Variants in MRPL44 observed in about 807,000 individuals in gnomAD.
MRPL44 encodes the protein large ribosomal subunit protein mL44.
Under a neutral mutation model 25.9 loss-of-function variants are expected in MRPL44, and 21 were observed. That is an observed-to-expected ratio of 0.81 (90% CI 0.58 to 1.17). The LOEUF (loss-of-function observed/expected upper bound fraction) is 1.17, where lower values mean the gene tolerates loss of function less well. MRPL44 is among the 50% of genes most tolerant of loss of function. The pLI is 0.00. For missense variants in MRPL44, 410 were observed against 398.9 expected, an observed-to-expected ratio of 1.03 and a Z score of -0.24; for synonymous variants, 169 against 151.0, an observed-to-expected ratio of 1.12 and a Z score of -0.87.
chr2:223,952,132 T>C, the MRPL44 span, among the ~76,000 whole-genome samples: 1 of 152,244 alleles, frequency 6.6e-6, no homozygotes, highest in Non-Finnish European at 1.5e-5. Context: ...GGTTGACTTC[T>C]GCAAACTACA....
At chr2:223,966,252 A>T (rs1258223031) in intron 3 of MRPL44, among the ~76,000 whole-genome samples, 1 of 141,054 alleles carries the variant, frequency 7.1e-6, no homozygotes, top group Non-Finnish European at 1.6e-5. Context: ...AAAAAAAAAA[A>T]GTGTGAGCCA....
intron 2 of MRPL44, among the ~76,000 whole-genome samples, chr2:223,963,196 T>C (rs1336297889): frequency 6.6e-6 from 1 of 152,134 alleles, no homozygotes; most frequent in Non-Finnish European, 1.5e-5. Context: ...GTAATTCCAA[T>C]ACTTTGAGAA....
upstream of MRPL44, among the ~76,000 whole-genome samples, chr2:223,952,695 T>C (rs1212519692): frequency 6.6e-6 from 1 of 152,240 alleles, no homozygotes; most frequent in Non-Finnish European, 1.5e-5. Flanking sequence ...TGTAAAAGAC[T>C]GTCACCTGCT....
At chr2:223,959,509 T>A (rs1559183840) in intron 1 of MRPL44, 25 bp from the exon 2 acceptor site, 1 of 1,543,350 alleles carries the variant, frequency 6.5e-7, no homozygotes, top group Non-Finnish European at 8.8e-7. Context: ...CTCTTTACCA[T>A]CTCTTACTGT....
At chr2:223,953,841 A>T (rs184195975), upstream of MRPL44, among the ~76,000 whole-genome samples, 1 of 152,258 alleles carries the variant, frequency 6.6e-6, no homozygotes, top group Admixed American at 6.5e-5. Context: ...AAAGCAAAAC[A>T]AAAGTGTGAA....
upstream of MRPL44, among the ~76,000 whole-genome samples, chr2:223,953,054 G>T (rs1409244801): frequency 2.0e-5 from 3 of 151,690 alleles, no homozygotes; most frequent in Admixed American, 2.0e-4. Flanking sequence ...TTCAAAAATA[G>T]ATATAAACCA....
At chr2:223,957,854 C>T (rs1689596767) in intron 1 of MRPL44, among the ~76,000 whole-genome samples, 1 of 152,130 alleles carries the variant, frequency 6.6e-6, no homozygotes, top group Non-Finnish European at 1.5e-5. Context: ...GGGCTGTTCC[C>T]GACGTTTTGA....
the MRPL44 span, among the ~76,000 whole-genome samples, chr2:223,951,257 C>G: frequency 6.6e-6 from 1 of 152,160 alleles, no homozygotes. Context: ...TTAGCACAGC[C>G]TCTTGGAACT....
chr2:223,957,383 C>A, upstream of MRPL44: 1 of 1,532,220 alleles, frequency 6.5e-7, no homozygotes, highest in Non-Finnish European at 9.0e-7. Context: ...CTTCTCTTCG[C>A]GTTCCGCGTT....
rs765692067 is a variant in MRPL44, at chr2:223,957,550, T to A, written c.78T>A (p.Pro26=). The A allele has an allele frequency of 2.5e-6, 4 of 1,613,904 alleles. No individual in the cohort carries two copies. In the Admixed American group the frequency reaches 5.0e-5, roughly 20 times the overall value. ...LLAPVAPKLV[P]PVRGVKKGFR... ...CTCCAGTCGCCCCCAAGCTGGTCCC[T>A]CCGGTTCGGGGAGTGAAGAAGGGAT... is the stretch of plus-strand genomic sequence containing the variant. Residue 26 remains proline (P), a synonymous_variant, in exon 1 of 4, where the codon CCT becomes CCA. Coordinates refer to ENST00000258383, the MANE Select transcript of MRPL44 (RefSeq NM_022915.5).
chr2:223,965,316 TG>T (rs1397244065), intron 3 of MRPL44, among the ~76,000 whole-genome samples: 1 of 152,232 alleles, frequency 6.6e-6, no homozygotes, highest in African/African-American at 2.4e-5. Context: ...TCATAACAGA[TG>T]TTTTTTAGCA....
chr2:223,966,367 C>G (rs1002422492), intron 3 of MRPL44, among the ~76,000 whole-genome samples: 2 of 152,052 alleles, frequency 1.3e-5, no homozygotes, highest in African/African-American at 4.8e-5. Context: ...ATTTTTTCAA[C>G]AGAATCTTTT....
chr2:223,951,478 G>GTTTTGTTTTGTTTTGTTT, the MRPL44 span, among the ~76,000 whole-genome samples: 2 of 112,546 alleles, frequency 1.8e-5, no homozygotes, highest in East Asian at 2.5e-4. Context: ...TTACCTTGGA[G>GTTTTGTTTTGTTTTGTTT]TTTTTTTTTT....
At chr2:223,964,030 G>A (rs902357909) in intron 3 of MRPL44, 96 bp downstream of exon 3, 1 of 972,564 alleles carries the variant, frequency 1.0e-6, no homozygotes, top group Non-Finnish European at 1.5e-6. Context: ...ATTCCATAAG[G>A]AATGTTAACA....
chr2:223,958,725 T>TA (rs892534753), intron 1 of MRPL44, among the ~76,000 whole-genome samples: 26 of 152,232 alleles, frequency 1.7e-4, no homozygotes, highest in African/African-American at 6.3e-4. Flanking sequence ...TATATGCAGA[T>TA]ACAGGTATAC....
intron 2 of MRPL44, among the ~76,000 whole-genome samples, chr2:223,963,077 A>G (rs1020630223): frequency 6.6e-6 from 1 of 152,184 alleles, no homozygotes; most frequent in African/African-American, 2.4e-5. Flanking sequence ...ATGAGTTTCT[A>G]TGAGAAGTTA....
intron 1 of MRPL44, 50 bp downstream of exon 1, chr2:223,957,701 G>T: frequency 6.4e-7 from 1 of 1,552,078 alleles, no homozygotes. Flanking sequence ...GCAGACACTG[G>T]GTCTTCTTCC....
At position 223,958,975 on chromosome 2, in the gene MRPL44, A is replaced by G. The variant is rs533130611; in HGVS notation, c.180-559A>G. On this transcript the variant is annotated intron_variant, in intron 1 of 3. Transcript: ENST00000258383. ...GAATTGCTACAGACCTTCAGTTTGT[A>G]AAAATAAAATGCAATAAATCTGTGA... Among the ~76,000 whole-genome samples, 3 of 152,376 alleles carry G rather than the reference A, an allele frequency of 2.0e-5. No individual in the cohort carries two copies. The South Asian group carries it at 6.2e-4, about 32-fold the overall frequency.
At chr2:223,962,572 T>C (rs1689680032) in intron 2 of MRPL44, among the ~76,000 whole-genome samples, 1 of 152,230 alleles carries the variant, frequency 6.6e-6, no homozygotes, top group Admixed American at 6.5e-5. Context: ...ACATAATACT[T>C]TTTACTGGCA....
Sources: gnomAD v4.1 joint callset for allele counts (sites outside exome capture counted in the v4.1 genomes callset) on GRCh38, gnomAD v4.1.1 for gene constraint, MANE v1.5 for transcripts, NCBI Gene and HGNC (gene_info 2026-07-23, HGNC 2026-07-21) for gene names.